The following SMC2 variants were observed in gnomAD, a reference collection of about 807,000 sequenced individuals.
SMC2 encodes structural maintenance of chromosomes protein 2.
A neutral mutation model predicts 142.6 loss-of-function variants in SMC2; 41 were observed. The ratio of observed to expected loss-of-function variants is 0.29; its 90% CI spans 0.22 to 0.37. The LOEUF (loss-of-function observed/expected upper bound fraction) is 0.37, where lower values mean the gene tolerates loss of function less well. Ranked by LOEUF, SMC2 falls within the 10% of genes least tolerant of loss-of-function variation. The pLI is 1.00. For missense variants in SMC2, 1,265 were observed against 1,373.7 expected (o/e 0.92, Z 1.25); for synonymous variants, 463 against 457.5 (o/e 1.01, Z -0.15).
intron 23 of SMC2, 54 bp downstream of exon 23, chr9:104,134,629 T>C (rs1835343697): frequency 8.2e-7 from 1 of 1,221,300 alleles, no homozygotes. Context: ...TTATAATTCA[T>C]CTCCTTACCT....
chr9:104,118,455 A>G (rs550945324), intron 15 of SMC2, 80 bp downstream of exon 15: 4 of 1,126,552 alleles, frequency 3.6e-6, no homozygotes, highest in South Asian at 2.9e-5. Flanking sequence ...TTTTAGCCCA[A>G]CTACCCACTT....
chr9:104,115,515 C>T (rs1430480699), intron 13 of SMC2, among the ~76,000 whole-genome samples: 1 of 135,682 alleles, frequency 7.4e-6, no homozygotes, highest in Admixed American at 6.8e-5. Context: ...GTGGAGGTTG[C>T]GGTAAGCTGC....
At position 104,118,321 on chromosome 9, in the gene SMC2, A is replaced by G. The variant is rs1437244733; in HGVS notation, c.1942A>G (p.Arg648Gly). The change falls in exon 15 of 25, where the codon AGA becomes GGA. Residue 648 changes from arginine to glycine, a missense_variant. Arg to Gly is a moderately radical substitution (Grantham distance 125). Transcript: ENST00000374793. ...GGCCTTTGATAAGAGGATAATGACT[A>G]GAACTGTAACTCTCGGAGGTGATGT... ...KVAFDKRIMT[R>G]TVTLGGDVFD... is the part of the protein sequence containing the mutation. 1.9e-6 allele frequency: 3 copies of G among 1,613,626 alleles called. No homozygotes were observed. Among genetic ancestry groups the G allele is most frequent in the Non-Finnish European group, 2.5e-6 (3 of 1,179,730 alleles).
At chr9:104,102,643 C>A in intron 9 of SMC2, 70 bp downstream of exon 9, 1 of 1,414,956 alleles carries the variant, frequency 7.1e-7, no homozygotes, top group Non-Finnish European at 9.5e-7. Context: ...GTACATTTAT[C>A]TATTCCATGA....
chr9:104,094,554 C>A, intron 1 of SMC2, 77 bp downstream of exon 1: 1 of 280,500 alleles, frequency 3.6e-6, no homozygotes, highest in Non-Finnish European at 6.2e-6. Context: ...GGAGGCGGGG[C>A]GCGGGGCGCG....
At chr9:104,093,945 A>T (rs1299773531), upstream of SMC2, among the ~76,000 whole-genome samples, 1 of 152,200 alleles carries the variant, frequency 6.6e-6, no homozygotes, top group East Asian at 1.9e-4. Context: ...CGCTTTGAGG[A>T]GAGAAAAGTA....
At chr9:104,130,952 A>G (rs1293605519) in intron 21 of SMC2, among the ~76,000 whole-genome samples, 1 of 152,132 alleles carries the variant, frequency 6.6e-6, no homozygotes, top group Admixed American at 6.6e-5. Context: ...TACATAAGCA[A>G]TTACATGGAT....
At chr9:104,119,176 C>T (rs1180038132) in intron 15 of SMC2, among the ~76,000 whole-genome samples, 2 of 152,142 alleles carry the variant, frequency 1.3e-5, no homozygotes, top group Non-Finnish European at 2.9e-5. Flanking sequence ...TTCTCCAGTA[C>T]ACAATCAAAT....
chr9:104,095,603 C>T (rs368228888), intron 2 of SMC2, 51 bp downstream of exon 2: 78 of 1,453,128 alleles, frequency 5.4e-5, no homozygotes, highest in Non-Finnish European at 6.7e-5. Flanking sequence ...CAGGAGAATC[C>T]TCACTGAACT....
chr9:104,115,844 C>A (rs1833044958), intron 13 of SMC2, among the ~76,000 whole-genome samples: 1 of 152,084 alleles, frequency 6.6e-6, no homozygotes, highest in Non-Finnish European at 1.5e-5. Context: ...TGACCTATGA[C>A]CTACTTCTAC....
At chr9:104,121,162 A>G (rs1243088131) in intron 16 of SMC2, among the ~76,000 whole-genome samples, 2 of 141,278 alleles carry the variant, frequency 1.4e-5, no homozygotes, top group Admixed American at 1.3e-4. Context: ...TGAAAGCTTC[A>G]TAAGTTAAAA....
chr9:104,102,145 A>G lies in SMC2; in HGVS notation c.822A>G (p.Ile274Met), dbSNP rs201081276. Residue 274 changes from isoleucine to methionine, a missense_variant, in exon 8 of 25, where the codon ATA becomes ATG. Around this residue, in one of 4 missense-constraint regions of SMC2, gnomAD observed 898 missense variants for 904.2 expected, o/e 0.99. Transcript: ENST00000374793. ...QEELSENDKK[I>M]KALNHEIEEL... is the part of the protein sequence containing the mutation. ...AATTGTCTGAGAATGATAAAAAAAT[A>G]AAAGCACTTAATCATGAAATAGAAG... 20 of 1,583,724 alleles carry G rather than the reference A, an allele frequency of 1.3e-5. No homozygotes were observed. Among genetic ancestry groups the G allele is most frequent in the South Asian group, 3.4e-5 (3 of 89,176 alleles).
intron 20 of SMC2, among the ~76,000 whole-genome samples, chr9:104,128,370 T>C (rs914637275): frequency 5.3e-5 from 8 of 152,204 alleles, no homozygotes; most frequent in Non-Finnish European, 1.0e-4. Flanking sequence ...CCAATGGCAA[T>C]GTTACTGCTA....
intron 23 of SMC2, chr9:104,135,840 A>G: frequency 1.9e-6 from 1 of 518,730 alleles, no homozygotes; most frequent in South Asian, 1.4e-5. Context: ...ATATTCTTCA[A>G]ATTGAAGGCA....
chr9:104,139,757 A>C lies in SMC2; in HGVS notation c.*442A>C, dbSNP rs1159626154. 1 of 155,302 alleles carries C rather than the reference A, an allele frequency of 6.4e-6. No homozygotes were observed. The highest frequency in any genetic ancestry group is 2.4e-5 in the African/African-American group (1 of 41,466). The allele number at this position is 155,302 out of a possible 1,614,324, so 9.6% of individuals were successfully genotyped here. On this transcript the variant is annotated 3_prime_UTR_variant, in exon 25 of 25. Coordinates refer to ENST00000374793, the MANE Select transcript of SMC2 (RefSeq NM_006444.3). ...TTATAAATCAGGTAACTGGACCAAC[A>C]AAGGGAACACATATAAAGCTATTAT...
rs927788581 is a variant in SMC2 at position 104,134,208 on chromosome 9, T to G, written c.3109-207T>G. ...GAGCCCATCCAGTCTCTGTTGCAAC[T>G]ACCTGATTTTGTCTTATCACTAGCA... On this transcript the variant is annotated intron_variant, in intron 22 of 24. Transcript: ENST00000374793. 4.6e-5 allele frequency among the ~76,000 whole-genome samples: 7 copies of G among 152,230 alleles called. No homozygotes were observed. In the East Asian group the frequency reaches 1.4e-3, roughly 29 times the overall value.
chr9:104,125,811 T>C (rs1358211365), intron 18 of SMC2, among the ~76,000 whole-genome samples: 2 of 152,264 alleles, frequency 1.3e-5, no homozygotes, highest in African/African-American at 4.8e-5. Flanking sequence ...CCTAGGTTTT[T>C]GTCTCCAAAG....
At chr9:104,121,341 A>G (rs1193310888) in intron 16 of SMC2, among the ~76,000 whole-genome samples, 1 of 151,788 alleles carries the variant, frequency 6.6e-6, no homozygotes, top group Non-Finnish European at 1.5e-5. Context: ...AAAAAACACA[A>G]AAAAGTTAGT....
intron 11 of SMC2, 33 bp downstream of exon 11, chr9:104,113,508 G>C: frequency 6.6e-7 from 1 of 1,511,168 alleles, no homozygotes. Flanking sequence ...ATCAGATCAT[G>C]AGGAGGTAGT....
Sources: gnomAD v4.1 joint callset for allele counts (sites outside exome capture counted in the v4.1 genomes callset) on GRCh38, gnomAD v4.1.1 for gene constraint, gnomAD v4.1.1 regional missense constraint, MANE v1.5 for transcripts, NCBI Gene and HGNC (gene_info 2026-07-23, HGNC 2026-07-21) for gene names.